Variants in GPM6B observed in about 807,000 individuals in gnomAD.
GPM6B encodes neuronal membrane glycoprotein M6-b.
GPM6B carries 4 observed loss-of-function variants against 27.2 expected under a neutral mutation model. The ratio of observed to expected loss-of-function variants is 0.15; its 90% confidence interval spans 0.07 to 0.34. The LOEUF (loss-of-function observed/expected upper bound fraction) is 0.34, where lower values mean the gene tolerates loss of function less well. Ranked by LOEUF, GPM6B falls within the 10% of genes least tolerant of loss-of-function variation. The probability of loss-of-function intolerance (pLI) is 1.00; values close to 1 mark genes in which losing one functional copy is unlikely to be tolerated. For missense variants in GPM6B, 183 were observed against 261.9 expected (o/e 0.70, Z 2.08); for synonymous variants, 124 against 103.1 (o/e 1.20, Z -1.23).
intron 1 of GPM6B, among the ~76,000 whole-genome samples, 178 bp from the exon 2 acceptor site, chrX:13,807,947 A>G (rs758929311): frequency 8.9e-6 from 1 of 112,633 alleles, no homozygotes; most frequent in Admixed American, 9.4e-5. Flanking sequence ...TTCTAAATTG[A>G]AGTTTATGTA....
intron 1 of GPM6B, among the ~76,000 whole-genome samples, chrX:13,890,950 A>T (rs6633404): frequency 0.54 from 59,522 of 109,565 alleles, 13,185 homozygotes; most frequent in East Asian, 0.95. Flanking sequence ...TGAGGCGTTT[A>T]AAAAACTCCC....
At chrX:13,935,408 TG>T (rs200525421) in intron 1 of GPM6B, among the ~76,000 whole-genome samples, 13,708 of 108,077 alleles carry the variant, frequency 0.13, 1,365 homozygotes, top group African/African-American at 0.33. Context: ...CCCAGCTACT[TG>T]GGAGGCTGAG....
chrX:13,892,198 A>G (rs1401416728), intron 1 of GPM6B, among the ~76,000 whole-genome samples: 3 of 111,836 alleles, frequency 2.7e-5, no homozygotes, highest in Non-Finnish European at 5.6e-5. Context: ...CGAGCGTTCA[A>G]AACAATAGCG....
At chrX:13,872,667 G>GAAA (rs35999855) in intron 1 of GPM6B, among the ~76,000 whole-genome samples, 2 of 99,851 alleles carry the variant, frequency 2.0e-5, no homozygotes, top group East Asian at 3.1e-4. Context: ...TATAGAGTAA[G>GAAA]AAAAAAAAAA....
intron 1 of GPM6B, among the ~76,000 whole-genome samples, chrX:13,843,132 A>AC (rs760926922): frequency 4.5e-5 from 5 of 112,007 alleles, no homozygotes; most frequent in Non-Finnish European, 7.5e-5. Context: ...GTTCAAAGCA[A>AC]CCATTAGGAG....
chrX:13,874,950 C>A (rs1374982312), intron 1 of GPM6B, among the ~76,000 whole-genome samples: 1 of 104,623 alleles, frequency 9.6e-6, no homozygotes, highest in Non-Finnish European at 1.9e-5. Flanking sequence ...CCCCCCCACC[C>A]CCGCTTCAAA....
In GPM6B at chrX:13,771,862, ATTAC is replaced by A. The variant is rs1366409573; in HGVS notation, c.*1015_*1018del. On this transcript the variant is annotated 3_prime_UTR_variant, in exon 8 of 8. Coordinates refer to ENST00000316715, the MANE Select transcript of GPM6B (RefSeq NM_001001995.3). ...AAATGAAATACCAACCCTAATTTAA[ATTAC>A]TTAAGTATTCAAGTCTATAAAAGTA... The A allele has an allele frequency of 8.9e-6, 1 of 112,543 alleles. No individual in the cohort carries two copies. Among genetic ancestry groups the A allele is most frequent in the Non-Finnish European group, 1.9e-5 (1 of 53,233 alleles). 9.3% of individuals were successfully genotyped at this position (112,543 alleles called of 1,213,427 possible). A position where few individuals can be genotyped will look rare whatever the true frequency, so the allele number is the denominator to read the frequency against.
At chrX:13,790,809 C>T (rs368747540) in intron 2 of GPM6B, among the ~76,000 whole-genome samples, 19 of 112,152 alleles carry the variant, frequency 1.7e-4, no homozygotes, top group East Asian at 8.3e-4. Flanking sequence ...AGTGTCATGC[C>T]ATAGACAGGG....
chrX:13,908,464 A>G (rs190451702), intron 1 of GPM6B, among the ~76,000 whole-genome samples: 1 of 112,446 alleles, frequency 8.9e-6, no homozygotes, highest in Non-Finnish European at 1.9e-5. Context: ...TCAAGAGTCA[A>G]AGTCGAAAGA....
chrX:13,852,489 C>T (rs1232608971), intron 1 of GPM6B, among the ~76,000 whole-genome samples: 1 of 111,252 alleles, frequency 9.0e-6, no homozygotes, highest in African/African-American at 3.3e-5. Flanking sequence ...GTCTAACTTG[C>T]CCCCTACAGG....
At chrX:13,789,545 A>G (rs949122087) in intron 2 of GPM6B, among the ~76,000 whole-genome samples, 5 of 111,108 alleles carry the variant, frequency 4.5e-5, no homozygotes, top group Non-Finnish European at 9.4e-5. Flanking sequence ...GGAGGCCAAG[A>G]CGGGCGGATC....
chrX:13,928,905 G>C (rs1428392069), intron 1 of GPM6B, among the ~76,000 whole-genome samples: 2 of 111,962 alleles, frequency 1.8e-5, no homozygotes, highest in Non-Finnish European at 3.8e-5. Flanking sequence ...AGGAGTCTAG[G>C]TTGTGGGGGC....
intron 1 of GPM6B, among the ~76,000 whole-genome samples, chrX:13,923,543 C>T (rs1397624318): frequency 5.3e-5 from 6 of 112,485 alleles, no homozygotes; most frequent in Non-Finnish European, 9.4e-5. Context: ...GCCCCTTCTT[C>T]GCAGGGTGAG....
intron 1 of GPM6B, among the ~76,000 whole-genome samples, chrX:13,874,945 C>G (rs905289404): frequency 2.4e-4 from 25 of 103,611 alleles, no homozygotes; most frequent in Non-Finnish European, 3.3e-4. Context: ...AATCCCCCCC[C>G]CACCCCCGCT....
intron 2 of GPM6B, among the ~76,000 whole-genome samples, chrX:13,806,171 G>T (rs1195068587): frequency 9.0e-6 from 1 of 111,182 alleles, no homozygotes; most frequent in East Asian, 2.8e-4. Context: ...ATCTGTAGTT[G>T]CTCCCCAATC....
intron 2 of GPM6B, among the ~76,000 whole-genome samples, chrX:13,801,246 T>C (rs904624858): frequency 7.2e-5 from 8 of 111,544 alleles, no homozygotes; most frequent in African/African-American, 2.3e-4. Flanking sequence ...GCTGAGCTTC[T>C]AGAAAGTACC....
chrX:13,840,953 T>C (rs964348551), intron 1 of GPM6B, among the ~76,000 whole-genome samples: 1 of 112,053 alleles, frequency 8.9e-6, no homozygotes, highest in Admixed American at 9.4e-5. Flanking sequence ...TTTAGGAGGA[T>C]GTAAAATATT....
intron 1 of GPM6B, among the ~76,000 whole-genome samples, chrX:13,811,676 A>C (rs2049133079): frequency 8.9e-6 from 1 of 112,259 alleles, no homozygotes; most frequent in African/African-American, 3.2e-5. Context: ...CAGCACCTAA[A>C]ATACTTACTA....
Position 13,772,760 on chromosome X carries a change from A to G in GPM6B, c.*121T>C. 1 of 603,761 alleles carries G rather than the reference A, an allele frequency of 1.7e-6. No individual in the cohort carries two copies. Among genetic ancestry groups the G allele is most frequent in the Non-Finnish European group, 2.5e-6 (1 of 396,161 alleles). 49.8% of individuals were successfully genotyped at this position (603,761 alleles called of 1,213,427 possible). A position where few individuals can be genotyped will look rare whatever the true frequency, so the allele number is the denominator to read the frequency against. ...GAGATACATCCCAGCAGCTTGAGAC[A>G]GACAGTGAAGTGTTTGTACATCTAC... On this transcript the variant is annotated 3_prime_UTR_variant, in exon 8 of 8. Transcript: ENST00000316715.
Sources: allele counts gnomAD v4.1 joint callset (sites outside exome capture counted in the v4.1 genomes callset), GRCh38; gene constraint gnomAD v4.1.1; transcripts MANE v1.5; gene names NCBI Gene and HGNC (gene_info 2026-07-23, HGNC 2026-07-21).